Variants in SDK1 observed in about 807,000 individuals in gnomAD.
SDK1 encodes the protein sidekick cell adhesion molecule 1.
In SDK1, 157 loss-of-function variants were observed where a neutral mutation model predicts 245.5. That is an observed-to-expected ratio of 0.64 (90% CI 0.56 to 0.73). The LOEUF is 0.73. SDK1 is among the 30% of genes least tolerant of loss of function. The pLI, the probability that SDK1 is intolerant of heterozygous loss-of-function variation, is 0.00. For synonymous variants in SDK1, 1,647 were observed against 1,278.5 expected, an observed-to-expected ratio of 1.29 and a Z score of -6.15; for missense variants, 3,583 against 3,002.3, an observed-to-expected ratio of 1.19 and a Z score of -4.52.
chr7:4,247,516 G>C (rs593851), intron 44 of SDK1, among the ~76,000 whole-genome samples: 152,400 of 152,404 alleles, frequency 1, 76,199 homozygotes, highest in Middle Eastern at 1. Flanking sequence ...GAAAGCAGCA[G>C]GTTGTGCGGA....
intron 1 of SDK1, among the ~76,000 whole-genome samples, chr7:3,539,354 A>C (rs758369849): frequency 6.6e-6 from 1 of 152,196 alleles, no homozygotes; most frequent in South Asian, 2.1e-4. Context: ...AGGTAGGTAG[A>C]TAGACAGAGC....
At chr7:3,739,765 C>A (rs1779423532) in intron 4 of SDK1, among the ~76,000 whole-genome samples, 1 of 152,042 alleles carries the variant, frequency 6.6e-6, no homozygotes, top group Non-Finnish European at 1.5e-5. Flanking sequence ...ACCTTAGGGG[C>A]AGTTTCTATT....
At chr7:3,866,400 A>G (rs1290088232) in intron 5 of SDK1, among the ~76,000 whole-genome samples, 1 of 152,204 alleles carries the variant, frequency 6.6e-6, no homozygotes, top group African/African-American at 2.4e-5. Context: ...CATTCCAGAG[A>G]GTGATCTGTG....
At chr7:3,458,845 C>T (rs1207997816) in intron 1 of SDK1, among the ~76,000 whole-genome samples, 1 of 152,104 alleles carries the variant, frequency 6.6e-6, no homozygotes, top group African/African-American at 2.4e-5. Flanking sequence ...ACCTATGCAC[C>T]ATTATCACCG....
intron 1 of SDK1, among the ~76,000 whole-genome samples, chr7:3,571,459 T>C (rs1255561125): frequency 6.6e-6 from 1 of 151,922 alleles, no homozygotes; most frequent in African/African-American, 2.4e-5. Flanking sequence ...CGTACCACCA[T>C]GCCCAGCTAA....
intron 1 of SDK1, among the ~76,000 whole-genome samples, chr7:3,463,438 C>G (rs1780894735): frequency 6.6e-6 from 1 of 152,100 alleles, no homozygotes; most frequent in African/African-American, 2.4e-5. Context: ...TGACCTTGGA[C>G]AAGCTTTTAT....
chr7:3,749,223 GC>G (rs1218849404), intron 4 of SDK1, among the ~76,000 whole-genome samples: 1 of 151,950 alleles, frequency 6.6e-6, no homozygotes, highest in East Asian at 1.9e-4. Flanking sequence ...TGCAACCTCC[GC>G]CTCCTGGTTT....
chr7:4,033,343 T>C (rs907911943), intron 17 of SDK1, among the ~76,000 whole-genome samples: 2 of 152,158 alleles, frequency 1.3e-5, no homozygotes, highest in Admixed American at 6.5e-5. Flanking sequence ...ATTAAAAATA[T>C]GAAACTGTAC....
chr7:4,091,133 C>G (rs544426235), intron 22 of SDK1, among the ~76,000 whole-genome samples: 2 of 152,190 alleles, frequency 1.3e-5, no homozygotes, highest in South Asian at 4.2e-4. Context: ...TCTAACATGA[C>G]TGCACTATCT....
At chr7:3,556,757 G>T (rs577582053) in intron 1 of SDK1, among the ~76,000 whole-genome samples, 1 of 152,104 alleles carries the variant, frequency 6.6e-6, no homozygotes, top group African/African-American at 2.4e-5. Context: ...TCACGCCACT[G>T]CACTCCAGCC....
At chr7:3,709,992 A>G (rs1784999061) in intron 4 of SDK1, among the ~76,000 whole-genome samples, 2 of 152,354 alleles carry the variant, frequency 1.3e-5, no homozygotes, top group East Asian at 1.9e-4. Flanking sequence ...TCATCATTTC[A>G]TAGTTTCTGA....
At chr7:3,895,351 C>T (rs528333726) in intron 5 of SDK1, among the ~76,000 whole-genome samples, 2 of 152,294 alleles carry the variant, frequency 1.3e-5, no homozygotes, top group East Asian at 3.9e-4. Context: ...GGGCCCATTC[C>T]CTAGTCACTT....
intron 1 of SDK1, among the ~76,000 whole-genome samples, chr7:3,450,976 G>C (rs187980375): frequency 6.6e-6 from 1 of 152,152 alleles, no homozygotes; most frequent in East Asian, 1.9e-4. Context: ...ATTGCAGTCA[G>C]ATGGCACAGA....
At position 3,388,503 on chromosome 7, in the gene SDK1, C is replaced by T. The variant is rs191258405; in HGVS notation, c.298+86619C>T. Among the ~76,000 whole-genome samples the T allele has an allele frequency of 3.1e-3, 464 of 152,014 alleles. 1 individual carries two copies. Among genetic ancestry groups the T allele is most frequent in the African/African-American group, 0.01 (435 of 41,454 alleles). ...GTATTCTCAAACTCCTAGGCTCAAG[C>T]GATCCCCCCATCTTAGCTTCCCAAA... On this transcript the variant is annotated intron_variant, in intron 1 of 44. Coordinates refer to ENST00000404826, the MANE Select transcript of SDK1 (RefSeq NM_152744.4).
At chr7:3,998,733 G>A (rs1784857526) in intron 14 of SDK1, among the ~76,000 whole-genome samples, 1 of 152,196 alleles carries the variant, frequency 6.6e-6, no homozygotes, top group Admixed American at 6.5e-5. Context: ...ATATCTTCAT[G>A]TTTTCTAACA....
chr7:3,963,365 C>T (rs1169344131), intron 9 of SDK1, among the ~76,000 whole-genome samples: 1 of 74,496 alleles, frequency 1.3e-5, no homozygotes. Flanking sequence ...TACACCCAGG[C>T]TCACAGCTAC....
At chr7:3,494,895 C>G (rs1312106167) in intron 1 of SDK1, among the ~76,000 whole-genome samples, 1 of 152,198 alleles carries the variant, frequency 6.6e-6, no homozygotes, top group Admixed American at 6.5e-5. Flanking sequence ...CCCATGGTTT[C>G]AAATGTGTCT....
intron 1 of SDK1, among the ~76,000 whole-genome samples, chr7:3,341,983 A>G (rs1382957127): frequency 2.0e-5 from 3 of 152,250 alleles, no homozygotes; most frequent in Non-Finnish European, 2.9e-5. Flanking sequence ...ACGATCTAGT[A>G]AAAGAATAAA....
At chr7:3,556,181 G>C (rs1440454502) in intron 1 of SDK1, among the ~76,000 whole-genome samples, 1 of 151,956 alleles carries the variant, frequency 6.6e-6, no homozygotes, top group African/African-American at 2.4e-5. Flanking sequence ...TTCTTCAGCA[G>C]ATGAATGGAT....
Sources: gnomAD v4.1 joint callset for allele counts (sites outside exome capture counted in the v4.1 genomes callset) on GRCh38, gnomAD v4.1.1 for gene constraint, MANE v1.5 for transcripts, NCBI Gene and HGNC (gene_info 2026-07-23, HGNC 2026-07-21) for gene names.